Variants in UGT1A10 observed in about 807,000 individuals in gnomAD.
UGT1A10 encodes UDP-glucuronosyltransferase 1A10.
A neutral mutation model predicts 45.8 loss-of-function variants in UGT1A10; 49 were observed. The observed-to-expected ratio is 1.07, with a 90% CI of 0.85 to 1.36. The LOEUF is 1.36. Among genes scored for constraint, UGT1A10 ranks in the 40% most tolerant of loss-of-function variants. The probability of loss-of-function intolerance (pLI) is 0.00; values close to 1 mark genes in which losing one functional copy is unlikely to be tolerated. For missense variants in UGT1A10, 745 were observed against 668.6 expected, an observed-to-expected ratio of 1.11 and a Z score of -1.26; for synonymous variants, 284 against 249.7, an observed-to-expected ratio of 1.14 and a Z score of -1.29.
chr2:233,689,795 T>C (rs1559343823), intron 1 of UGT1A10: 2 of 430,076 alleles, frequency 4.7e-6, no homozygotes, highest in Non-Finnish European at 9.2e-6. Context: ...ATGTGATCTG[T>C]AGTTTCTATA....
intron 1 of UGT1A10, among the ~76,000 whole-genome samples, chr2:233,709,949 C>T (rs2076099737): frequency 6.6e-6 from 1 of 152,156 alleles, no homozygotes; most frequent in Admixed American, 6.5e-5. Flanking sequence ...GTTTCTGTTG[C>T]TGGATAACAG....
intron 1 of UGT1A10, chr2:233,693,975 G>C: frequency 6.4e-7 from 1 of 1,566,020 alleles, no homozygotes; most frequent in Non-Finnish European, 8.6e-7. Context: ...CTGGAGAAAC[G>C]GTGGGGGGAA....
At chr2:233,686,774 T>C (rs1410768697) in intron 1 of UGT1A10, among the ~76,000 whole-genome samples, 1 of 152,160 alleles carries the variant, frequency 6.6e-6, no homozygotes, top group Non-Finnish European at 1.5e-5. Context: ...TATGCAACAC[T>C]CCAACTCTCC....
chr2:233,772,677 A>C lies in UGT1A10; in HGVS notation c.*118A>C. The C allele has an allele frequency of 1.4e-5, 22 of 1,531,978 alleles. No homozygotes were observed. The highest frequency in any genetic ancestry group is 1.8e-5 in the Non-Finnish European group (21 of 1,142,190). 94.9% of individuals were successfully genotyped at this position (1,531,978 alleles called of 1,614,324 possible). On this transcript the variant is annotated 3_prime_UTR_variant, in exon 5 of 5. Transcript: ENST00000344644. Reference sequence around the variant, plus strand: ...ATTAAGGAAATACTTTGCATAAATTAATCAGCCCCAGAGTGCTTTAAAAAA... The same window carrying C: ...ATTAAGGAAATACTTTGCATAAATTCATCAGCCCCAGAGTGCTTTAAAAAA...
At chr2:233,656,564 A>T (rs915254897) in intron 1 of UGT1A10, among the ~76,000 whole-genome samples, 11 of 152,062 alleles carry the variant, frequency 7.2e-5, no homozygotes, top group South Asian at 2.1e-4. Flanking sequence ...GGCGCCCATG[A>T]CTCAACTCTT....
chr2:233,744,892 C>A (rs28900378), intron 1 of UGT1A10, among the ~76,000 whole-genome samples: 2 of 151,832 alleles, frequency 1.3e-5, no homozygotes, highest in Non-Finnish European at 2.9e-5. Flanking sequence ...ACCCTCCTCT[C>A]CATACCAAAA....
In UGT1A10 at chr2:233,772,443, T is replaced by A; in HGVS notation, c.1477T>A (p.Leu493Met). 6.2e-7 allele frequency: 1 copy of A among 1,614,238 alleles called. No homozygotes were observed. The highest frequency in any genetic ancestry group is 8.5e-7 in the Non-Finnish European group (1 of 1,180,046). ...YHSLDVIGFLLAVVLTVAFIT... is the reference protein window; with the variant it reads ...YHSLDVIGFLMAVVLTVAFIT... ...TTCCTTGGACGTGATTGGTTTCCTCTTGGCCGTCGTGCTGACAGTGGCCTT... is the reference window on the plus strand; with the variant it reads ...TTCCTTGGACGTGATTGGTTTCCTCATGGCCGTCGTGCTGACAGTGGCCTT... Residue 493 changes from leucine (L) to methionine (M), a missense_variant, in exon 5 of 5, where the codon TTG becomes ATG. Coordinates refer to ENST00000344644, the MANE Select transcript of UGT1A10 (RefSeq NM_019075.4).
chr2:233,721,923 T>C (rs1336715590), intron 1 of UGT1A10: 2 of 399,724 alleles, frequency 5.0e-6, no homozygotes, highest in Non-Finnish European at 5.0e-6. Flanking sequence ...TTCCATAAAG[T>C]GACATCCTTC....
intron 1 of UGT1A10, among the ~76,000 whole-genome samples, chr2:233,736,737 CCTTT>C (rs2125803115): frequency 6.6e-6 from 1 of 152,240 alleles, no homozygotes; most frequent in Non-Finnish European, 1.5e-5. Flanking sequence ...TTATGCTGTT[CCTTT>C]CTGTTTGTTA....
At chr2:233,688,035 C>A (rs2074875493) in intron 1 of UGT1A10, among the ~76,000 whole-genome samples, 2 of 152,198 alleles carry the variant, frequency 1.3e-5, no homozygotes, top group Admixed American at 1.3e-4. Context: ...ATATCTAATT[C>A]CAGATCATTT....
chr2:233,760,360 T>A (rs751894919), intron 1 of UGT1A10: 1 of 1,614,114 alleles, frequency 6.2e-7, no homozygotes, highest in East Asian at 2.2e-5. Flanking sequence ...CCCAGTGGTG[T>A]CCCATGCTGG....
At position 233,682,202 on chromosome 2, in the gene UGT1A10, GA is replaced by G. The variant is rs755165543; in HGVS notation, c.855+44826del. 37 of 1,614,244 alleles carry G rather than the reference GA, an allele frequency of 2.3e-5. No individual in the cohort carries two copies. In the African/African-American group the frequency reaches 4.9e-4, roughly 22 times the overall value. On this transcript the variant is annotated intron_variant, in intron 1 of 4. Transcript: ENST00000344644. The stretch of plus-strand genomic sequence containing the variant: ...ATACACTCTGGAGGATCAGGACCGG[GA>G]GTTCATGGTTTTTGCCGATGCTCGC...
intron 1 of UGT1A10, among the ~76,000 whole-genome samples, chr2:233,671,442 A>G (rs1409459178): frequency 1.3e-5 from 2 of 152,154 alleles, no homozygotes; most frequent in East Asian, 1.9e-4. Context: ...GCGAGCCCCA[A>G]TTTAGGAGGT....
chr2:233,700,548 G>A (rs535853869), intron 1 of UGT1A10, among the ~76,000 whole-genome samples: 36 of 151,944 alleles, frequency 2.4e-4, no homozygotes, highest in African/African-American at 7.5e-4. Flanking sequence ...TGAGAATAAG[G>A]GGTTATAAAA....
intron 1 of UGT1A10, among the ~76,000 whole-genome samples, chr2:233,680,389 C>T (rs1292705850): frequency 6.6e-6 from 1 of 152,154 alleles, no homozygotes; most frequent in Non-Finnish European, 1.5e-5. Context: ...CCTGCAATAG[C>T]AACAGGAGGT....
At chr2:233,662,585 G>T (rs1269571283) in intron 1 of UGT1A10, among the ~76,000 whole-genome samples, 1 of 152,154 alleles carries the variant, frequency 6.6e-6, no homozygotes, top group South Asian at 2.1e-4. Flanking sequence ...CTGTGAATGA[G>T]ATCCTTTTAC....
At chr2:233,754,961 G>A (rs760905245) in intron 1 of UGT1A10, 13 of 1,310,256 alleles carry the variant, frequency 9.9e-6, no homozygotes, top group Admixed American at 9.5e-5. Flanking sequence ...GGCCGCCAAA[G>A]AACTCCCTGA....
intron 1 of UGT1A10, among the ~76,000 whole-genome samples, chr2:233,737,121 G>T (rs11684169): frequency 0.034 from 5,131 of 152,320 alleles, 100 homozygotes; most frequent in African/African-American, 0.051. Context: ...ATGTTCAGAA[G>T]TTGTCTGCTG....
chr2:233,719,875 G>A (rs1258647724), intron 1 of UGT1A10, among the ~76,000 whole-genome samples: 1 of 152,206 alleles, frequency 6.6e-6, no homozygotes, highest in Non-Finnish European at 1.5e-5. Context: ...AGGAAGAAGA[G>A]GCACGGATGA....
Sources: allele counts gnomAD v4.1 joint callset (sites outside exome capture counted in the v4.1 genomes callset), GRCh38; gene constraint gnomAD v4.1.1; transcripts MANE v1.5; gene names NCBI Gene and HGNC (gene_info 2026-07-23, HGNC 2026-07-21).